The following MTUS2 variants were observed in gnomAD, a reference collection of about 807,000 sequenced individuals.
MTUS2 encodes microtubule-associated tumor suppressor candidate 2.
MTUS2 carries 40 observed loss-of-function variants against 114.1 expected under a neutral mutation model. The ratio of observed to expected loss-of-function variants is 0.35; its 90% CI spans 0.27 to 0.46. MTUS2 has a LOEUF of 0.46. Ranked by LOEUF, MTUS2 falls within the 20% of genes least tolerant of loss-of-function variation. MTUS2 has a pLI of 1.00. For synonymous variants in MTUS2, 688 were observed against 672.0 expected (o/e 1.02, Z -0.37); for missense variants, 1,679 against 1,705.4 (o/e 0.98, Z 0.27).
At chr13:28,821,983 T>G (rs1005124275) in intron 1 of MTUS2, among the ~76,000 whole-genome samples, 2 of 152,214 alleles carry the variant, frequency 1.3e-5, no homozygotes, top group Admixed American at 1.3e-4. Context: ...AAGTGATATA[T>G]TTCATTTGCA....
intron 6 of MTUS2, among the ~76,000 whole-genome samples, chr13:29,320,503 A>G (rs373786098): frequency 4.6e-5 from 7 of 152,206 alleles, no homozygotes; most frequent in African/African-American, 1.4e-4. Context: ...CAGGCAGACA[A>G]GGGAGAGGCT....
chr13:29,010,378 C>G (rs1459137309), intron 2 of MTUS2, among the ~76,000 whole-genome samples: 2 of 152,118 alleles, frequency 1.3e-5, no homozygotes, highest in African/African-American at 4.8e-5. Context: ...TCCTTGGAAC[C>G]AAAATCTGGC....
intron 2 of MTUS2, among the ~76,000 whole-genome samples, chr13:28,907,407 A>G (rs1006506486): frequency 9.9e-5 from 15 of 151,640 alleles, no homozygotes; most frequent in African/African-American, 2.7e-4. Flanking sequence ...TAACAATATT[A>G]ACTTTAAATG....
At chr13:28,984,459 C>A (rs1884489553) in intron 2 of MTUS2, among the ~76,000 whole-genome samples, 1 of 152,192 alleles carries the variant, frequency 6.6e-6, no homozygotes. Context: ...CATTCACCTT[C>A]TCAGTGCTTC....
At chr13:29,283,962 G>C (rs2139550459) in intron 6 of MTUS2, among the ~76,000 whole-genome samples, 1 of 152,178 alleles carries the variant, frequency 6.6e-6, no homozygotes, top group Non-Finnish European at 1.5e-5. Context: ...ATACATTTTT[G>C]GTGGGAATAT....
Position 29,485,843 on chromosome 13 carries a change from G to A in MTUS2, c.3400-2057G>A, listed in dbSNP as rs1029707409. On this transcript the variant is annotated intron_variant, in intron 10 of 15. Transcript: ENST00000612955. ...ACTCATGATCATTTGTGTAAGCACC[G>A]AATAAATTAGAATCACGCCAAGGGC... 5.7e-5 allele frequency among the ~76,000 whole-genome samples: 8 copies of A among 141,354 alleles called. No individual in the cohort carries two copies. The East Asian group carries it at 1.8e-3, about 31-fold the overall frequency. The allele number at this position is 141,354 out of a possible 152,430, so 92.7% of individuals were successfully genotyped here.
At chr13:29,038,698 C>A (rs1415001384) in intron 4 of MTUS2, among the ~76,000 whole-genome samples, 1 of 152,244 alleles carries the variant, frequency 6.6e-6, no homozygotes, top group Non-Finnish European at 1.5e-5. Context: ...TATCTATAAG[C>A]CCCTTACTGG....
chr13:29,157,583 A>G (rs958535193), intron 5 of MTUS2, among the ~76,000 whole-genome samples: 1 of 152,166 alleles, frequency 6.6e-6, no homozygotes, highest in African/African-American at 2.4e-5. Flanking sequence ...GTGAAACCCC[A>G]GCACTGCCTT....
intron 8 of MTUS2, among the ~76,000 whole-genome samples, chr13:29,397,349 T>C (rs1004815498): frequency 6.6e-6 from 1 of 152,200 alleles, no homozygotes; most frequent in African/African-American, 2.4e-5. Context: ...AATGCTTCAA[T>C]GTGTACAGAC....
chr13:28,840,442 C>T (rs1875396799), intron 2 of MTUS2, among the ~76,000 whole-genome samples: 1 of 152,156 alleles, frequency 6.6e-6, no homozygotes, highest in African/African-American at 2.4e-5. Context: ...GACAAAGGCA[C>T]CCCTCTGTAA....
At chr13:29,470,844 T>C (rs1213675050) in intron 9 of MTUS2, among the ~76,000 whole-genome samples, 2 of 152,180 alleles carry the variant, frequency 1.3e-5, no homozygotes, top group Non-Finnish European at 2.9e-5. Flanking sequence ...ACCTTGGTAC[T>C]TGCAGTTCCT....
intron 5 of MTUS2, among the ~76,000 whole-genome samples, chr13:29,205,894 T>C (rs1295995261): frequency 6.6e-6 from 1 of 152,340 alleles, no homozygotes; most frequent in Non-Finnish European, 1.5e-5. Context: ...CTTTTTCATA[T>C]AATGATTTGT....
chr13:29,256,249 C>T (rs1026088887), intron 5 of MTUS2, among the ~76,000 whole-genome samples: 4 of 152,228 alleles, frequency 2.6e-5, no homozygotes, highest in African/African-American at 9.6e-5. Context: ...CCAAGGGGAG[C>T]TGGTGCCCAG....
At chr13:29,379,378 G>A (rs1872022796) in intron 8 of MTUS2, among the ~76,000 whole-genome samples, 1 of 152,190 alleles carries the variant, frequency 6.6e-6, no homozygotes, top group Non-Finnish European at 1.5e-5. Flanking sequence ...AGAAGGGGCT[G>A]GGGGAGCCAT....
At position 29,410,813 on chromosome 13, in the gene MTUS2, T is replaced by TTTTGTTTGTTTG. The variant is rs58667275; in HGVS notation, c.3118-29146_3118-29135dup. On this transcript the variant is annotated intron_variant, in intron 8 of 15. Coordinates refer to ENST00000612955, the MANE Select transcript of MTUS2 (RefSeq NM_001033602.4). ...TATAAAGTCATTCCCACACTATTGG[T>TTTTGTTTGTTTG]TTTGTTTGTTTGTTTGTTTGTTTGT... Among the ~76,000 whole-genome samples the TTTTGTTTGTTTG allele has an allele frequency of 9.0e-3, 1,348 of 150,494 alleles. 6 individuals are homozygous for TTTTGTTTGTTTG. The highest frequency in any genetic ancestry group is 0.013 in the Admixed American group (199 of 15,094).
intron 2 of MTUS2, among the ~76,000 whole-genome samples, chr13:28,890,242 A>G (rs1409054316): frequency 6.6e-6 from 1 of 152,208 alleles, no homozygotes; most frequent in Non-Finnish European, 1.5e-5. Flanking sequence ...AACACCAGTG[A>G]TTTGAGTGTT....
At chr13:29,091,055 A>G (rs1889922879) in intron 4 of MTUS2, among the ~76,000 whole-genome samples, 1 of 152,060 alleles carries the variant, frequency 6.6e-6, no homozygotes, top group Non-Finnish European at 1.5e-5. Flanking sequence ...TCTGGTACTC[A>G]GCAACTTTGT....
intron 5 of MTUS2, among the ~76,000 whole-genome samples, chr13:29,156,569 CTG>C (rs1892869389): frequency 6.6e-6 from 1 of 152,078 alleles, no homozygotes; most frequent in Non-Finnish European, 1.5e-5. Flanking sequence ...CTCCTACTTG[CTG>C]TGTGATCTTC....
rs147923613 is a variant in MTUS2, at chr13:29,343,628, T to G, written c.2906-15634T>G. ...CAGCTGTTTCATTTATCTTTTGTAT[T>G]ATTTTGTCTTTCAATTTTATTTAGT... On this transcript the variant is annotated intron_variant, in intron 7 of 15. Transcript: ENST00000612955. 3.9e-5 allele frequency among the ~76,000 whole-genome samples: 6 copies of G among 152,200 alleles called. No homozygotes were observed. In the East Asian group the frequency reaches 1.2e-3, roughly 30 times the overall value.
Sources: gnomAD v4.1 joint callset for allele counts (sites outside exome capture counted in the v4.1 genomes callset) on GRCh38, gnomAD v4.1.1 for gene constraint, MANE v1.5 for transcripts, NCBI Gene and HGNC (gene_info 2026-07-23, HGNC 2026-07-21) for gene names.